The following DYNLL1 variants were observed in gnomAD, a reference collection of about 807,000 sequenced individuals.
DYNLL1 encodes dynein light chain 1, cytoplasmic.
In DYNLL1, 3 loss-of-function variants were observed where a neutral mutation model predicts 10.1. The observed-to-expected ratio is 0.30, with a 90% CI of 0.14 to 0.77. The LOEUF (loss-of-function observed/expected upper bound fraction) is 0.77, where lower values mean the gene tolerates loss of function less well. DYNLL1 is among the 30% of genes least tolerant of loss of function. The probability of loss-of-function intolerance (pLI) is 0.66; values close to 1 mark genes in which losing one functional copy is unlikely to be tolerated. For missense variants in DYNLL1, 47 were observed against 111.7 expected, an observed-to-expected ratio of 0.42 and a Z score of 2.61; for synonymous variants, 46 against 41.2, an observed-to-expected ratio of 1.12 and a Z score of -0.45.
chr12:120,496,056 G>T, upstream of DYNLL1: 1 of 371,754 alleles, frequency 2.7e-6, no homozygotes, highest in South Asian at 2.9e-5. Flanking sequence ...GGGCGGGGCC[G>T]GCGGGAGCAG....
chr12:120,489,910 G>A (rs868658313), intron 1 of DYNLL1, among the ~76,000 whole-genome samples: 1 of 152,180 alleles, frequency 6.6e-6, no homozygotes, highest in Middle Eastern at 3.2e-3. Context: ...GCCACGCCCA[G>A]CTAATTTTTT....
chr12:120,498,025 T>C (rs763431760), intron 2 of DYNLL1, 48 bp from the exon 3 acceptor site: 2 of 1,584,658 alleles, frequency 1.3e-6, no homozygotes, highest in Non-Finnish European at 1.7e-6. Context: ...AGGCAAACAC[T>C]GACCTCTGGT....
chr12:120,486,022 AT>A (rs1467863893), intron 1 of DYNLL1, among the ~76,000 whole-genome samples: 2 of 152,116 alleles, frequency 1.3e-5, no homozygotes, highest in African/African-American at 4.8e-5. Context: ...TGCATTTATT[AT>A]TTTTGTAATT....
At chr12:120,485,039 C>T (rs577574992) in intron 1 of DYNLL1, among the ~76,000 whole-genome samples, 89 of 152,008 alleles carry the variant, frequency 5.9e-4, no homozygotes, top group African/African-American at 2.0e-3. Flanking sequence ...CGCCCCTGGC[C>T]GCATGGGCTA....
At chr12:120,490,407 A>G (rs1305830070) in intron 1 of DYNLL1, 1 of 152,240 alleles carries the variant, frequency 6.6e-6, no homozygotes, top group Non-Finnish European at 1.5e-5. Context: ...AAAGAGTGAC[A>G]CTGAGGTCAC....
rs1878695685 is a variant in DYNLL1 at position 120,473,690 on chromosome 12, C to CT, written c.-7+3587dup. 7.1e-5 allele frequency among the ~76,000 whole-genome samples: 7 copies of CT among 99,180 alleles called. No homozygotes were observed. In the South Asian group the frequency reaches 2.4e-3, roughly 33 times the overall value. 65.1% of individuals were successfully genotyped at this position (99,180 alleles called of 152,430 possible). A position where few individuals can be genotyped will look rare whatever the true frequency, so the allele number is the denominator to read the frequency against. On this transcript the variant is annotated intron_variant, in intron 1 of 2. Coordinates refer to the DYNLL1 transcript ENST00000392509. ...AGCCTGGTCAACACCGAGACTCTGTCTCAAAAAAAAAAAAAAAAAAAAATT... is the reference window on the plus strand; with the variant it reads ...AGCCTGGTCAACACCGAGACTCTGTCTTCAAAAAAAAAAAAAAAAAAAAATT...
chr12:120,497,784 T>C lies in DYNLL1; in HGVS notation c.133-289T>C, dbSNP rs182740476. 4 of 341,868 alleles carry C rather than the reference T, an allele frequency of 1.2e-5. No homozygotes were observed. In the East Asian group the frequency reaches 2.4e-4, roughly 21 times the overall value. 21.2% of individuals were successfully genotyped at this position (341,868 alleles called of 1,614,324 possible). ...TGTCACCGTCTGTCAATGAATATTA[T>C]AGAAGGTATGAAGGTGTAATTACCA... On this transcript the variant is annotated intron_variant, in intron 2 of 2. Coordinates refer to ENST00000242577, the MANE Select transcript of DYNLL1 (RefSeq NM_003746.3).
At chr12:120,474,442 TAAAAAA>T (rs11355698) in intron 1 of DYNLL1, among the ~76,000 whole-genome samples, 3 of 142,776 alleles carry the variant, frequency 2.1e-5, no homozygotes, top group Non-Finnish European at 3.1e-5. Flanking sequence ...AAAAACAACA[TAAAAAA>T]AAAAAAAAAT....
chr12:120,473,008 T>G (rs1205960770), intron 1 of DYNLL1, among the ~76,000 whole-genome samples: 1 of 152,214 alleles, frequency 6.6e-6, no homozygotes, highest in South Asian at 2.1e-4. Flanking sequence ...CATCTAGATA[T>G]TCAACATTAT....
chr12:120,489,645 G>A (rs543156354), intron 1 of DYNLL1, among the ~76,000 whole-genome samples: 1 of 152,152 alleles, frequency 6.6e-6, no homozygotes, highest in Non-Finnish European at 1.5e-5. Context: ...GCAGTAGCCA[G>A]GTCATCAAGT....
intron 1 of DYNLL1, among the ~76,000 whole-genome samples, chr12:120,471,192 G>T (rs536392374): frequency 6.8e-6 from 1 of 146,768 alleles, no homozygotes; most frequent in Non-Finnish European, 1.5e-5. Context: ...GGCAAGACCC[G>T]CCCCCCTACT....
intron 1 of DYNLL1, among the ~76,000 whole-genome samples, chr12:120,472,808 G>T (rs779152344): frequency 2.0e-5 from 3 of 152,168 alleles, no homozygotes; most frequent in African/African-American, 4.8e-5. Context: ...TCTTGGATTA[G>T]ATAGAGCACA....
chr12:120,476,094 A>G (rs1209198380), intron 1 of DYNLL1, among the ~76,000 whole-genome samples: 1 of 147,176 alleles, frequency 6.8e-6, no homozygotes, highest in East Asian at 2.1e-4. Context: ...AGCAAAGGGT[A>G]GGGGGGTGTG....
rs1201061961 is a variant in DYNLL1 at position 120,479,466 on chromosome 12, A to AT, written c.-7+9362_-7+9363insT. Among the ~76,000 whole-genome samples the AT allele has an allele frequency of 5.6e-3, 703 of 124,870 alleles. 3 individuals carry two copies. Among genetic ancestry groups the AT allele is most frequent in the African/African-American group, 0.019 (666 of 35,752 alleles). 81.9% of individuals were successfully genotyped at this position (124,870 alleles called of 152,430 possible). ...TCCGTCTCCAAAAAAAAAAAAAAAA[A>AT]AAAATAATAATAATAATAATAATAA... On this transcript the variant is annotated intron_variant, in intron 1 of 2. Coordinates refer to the DYNLL1 transcript ENST00000392509.
At chr12:120,479,687 A>G (rs1480606336) in intron 1 of DYNLL1, among the ~76,000 whole-genome samples, 1 of 152,052 alleles carries the variant, frequency 6.6e-6, no homozygotes, top group Non-Finnish European at 1.5e-5. Context: ...AGCATTCCAG[A>G]CAGAAAGAAA....
At chr12:120,496,909 C>T in intron 2 of DYNLL1, 1 of 183,664 alleles carries the variant, frequency 5.4e-6, no homozygotes, top group Non-Finnish European at 1.1e-5. Context: ...CCAGCCGGGC[C>T]GGGAGGAGAT....
chr12:120,489,592 C>T (rs182191522), intron 1 of DYNLL1, among the ~76,000 whole-genome samples: 21 of 152,320 alleles, frequency 1.4e-4, no homozygotes, highest in Admixed American at 2.0e-4. Context: ...CTGCTCCCAC[C>T]TCTCTCGCTG....
At chr12:120,496,386 C>T (rs772836331) in intron 1 of DYNLL1, 30 bp from the exon 2 acceptor site, 57 of 1,613,134 alleles carry the variant, frequency 3.5e-5, no homozygotes, top group Non-Finnish European at 4.5e-5. Flanking sequence ...CGGCCCAACT[C>T]AACCCCTTAC....
At chr12:120,490,519 T>C (rs1344557014) in intron 1 of DYNLL1, 1 of 152,238 alleles carries the variant, frequency 6.6e-6, no homozygotes, top group East Asian at 1.9e-4. Flanking sequence ...TGTTGCTCTT[T>C]CCGTTCCTTC....
Sources: gnomAD v4.1 joint callset for allele counts (sites outside exome capture counted in the v4.1 genomes callset) on GRCh38, gnomAD v4.1.1 for gene constraint, MANE v1.5 for transcripts, NCBI Gene and HGNC (gene_info 2026-07-23, HGNC 2026-07-21) for gene names.